The following LEPROTL1 variants were observed in gnomAD, a reference collection of about 807,000 sequenced individuals.
LEPROTL1 encodes the protein leptin receptor overlapping transcript like 1.
LEPROTL1 carries 6 observed loss-of-function variants against 15.4 expected under a neutral mutation model. The observed-to-expected ratio is 0.39, with a 90% CI of 0.21 to 0.77. The LOEUF (loss-of-function observed/expected upper bound fraction) is 0.77, where lower values mean the gene tolerates loss of function less well. Among genes scored for constraint, LEPROTL1 ranks in the 30% least tolerant of loss-of-function variants. The pLI, the probability that LEPROTL1 is intolerant of heterozygous loss-of-function variation, is 0.41. For synonymous variants in LEPROTL1, 56 were observed against 52.6 expected (o/e 1.06, Z -0.28); for missense variants, 128 against 158.1 (o/e 0.81, Z 1.02).
At chr8:30,121,042 GTACCTCC>G (rs1216219745) in intron 3 of LEPROTL1, among the ~76,000 whole-genome samples, 1 of 151,990 alleles carries the variant, frequency 6.6e-6, no homozygotes, top group Non-Finnish European at 1.5e-5. Flanking sequence ...ACTCCTCTAG[GTACCTCC>G]TATGGAATCA....
downstream of LEPROTL1, among the ~76,000 whole-genome samples, chr8:30,109,016 A>G (rs991798682): frequency 7.6e-6 from 1 of 131,660 alleles, no homozygotes; most frequent in Non-Finnish European, 1.6e-5. Context: ...CACCACCACA[A>G]CCCCCCTCAA....
chr8:30,097,692 T>A (rs139021137), intron 1 of LEPROTL1, among the ~76,000 whole-genome samples: 1,813 of 116,826 alleles, frequency 0.016, 58 homozygotes, highest in African/African-American at 0.045. Context: ...AAAATATATA[T>A]ATATATACAC....
At chr8:30,116,960 C>G (rs1472607013) in intron 3 of LEPROTL1, among the ~76,000 whole-genome samples, 3 of 152,088 alleles carry the variant, frequency 2.0e-5, no homozygotes, top group African/African-American at 7.2e-5. Flanking sequence ...AATTATAGGA[C>G]ACCCAGCTAG....
At chr8:30,125,412 G>C (rs1464323051) in intron 3 of LEPROTL1, among the ~76,000 whole-genome samples, 1 of 152,104 alleles carries the variant, frequency 6.6e-6, no homozygotes, top group African/African-American at 2.4e-5. Context: ...ATATCACTTT[G>C]TTCTTTTTAT....
At position 30,107,272 on chromosome 8, in the gene LEPROTL1, T is replaced by C; in HGVS notation, c.*1410T>C. ...AAAAATTCCCAGTAACCAGGCATGA[T>C]CAATTTATAGTGGTCGTTTACATCT... On this transcript the variant is annotated 3_prime_UTR_variant, in exon 4 of 4. Transcript: ENST00000321250. 1 of 985,568 alleles carries C rather than the reference T, an allele frequency of 1.0e-6. No homozygotes were observed. Among genetic ancestry groups the C allele is most frequent in the Non-Finnish European group, 1.2e-6 (1 of 829,890 alleles). 61.1% of individuals were successfully genotyped at this position (985,568 alleles called of 1,614,324 possible).
chr8:30,097,102 G>A (rs1357252455), intron 1 of LEPROTL1, among the ~76,000 whole-genome samples: 1 of 152,174 alleles, frequency 6.6e-6, no homozygotes, highest in African/African-American at 2.4e-5. Context: ...TTTGGGAGTA[G>A]AACCCAGACT....
At chr8:30,133,802 A>AG (rs959409737) in intron 4 of LEPROTL1, among the ~76,000 whole-genome samples, 19 of 151,700 alleles carry the variant, frequency 1.3e-4, no homozygotes, top group East Asian at 1.9e-4. Flanking sequence ...AAAAAAAAAA[A>AG]AAAGAAAGAG....
At position 30,117,351 on chromosome 8, in the gene LEPROTL1, ATTT is replaced by A. The variant is rs1802757603; in HGVS notation, c.279+12867_279+12869del. 5 of 957,774 alleles carry A rather than the reference ATTT, an allele frequency of 5.2e-6. No homozygotes were observed. The African/African-American group carries it at 8.3e-5, about 16-fold the overall frequency. The allele number at this position is 957,774 out of a possible 1,614,324, so 59.3% of individuals were successfully genotyped here. ...TTTTTTTTTTAATTGTCTGTGAGGC[ATTT>A]TGTTTGTAAATATATGCTGCATTAC... On this transcript the variant is annotated intron_variant, in intron 3 of 4. Transcript: ENST00000442880.
intron 3 of LEPROTL1, among the ~76,000 whole-genome samples, chr8:30,131,550 G>T (rs2117530386): frequency 6.6e-6 from 1 of 152,206 alleles, no homozygotes; most frequent in African/African-American, 2.4e-5. Context: ...GTTAGGTTTT[G>T]TTTTGGTTTT....
chr8:30,122,558 AGGC>A (rs1384541447), intron 3 of LEPROTL1, among the ~76,000 whole-genome samples: 2 of 152,196 alleles, frequency 1.3e-5, no homozygotes, highest in Non-Finnish European at 2.9e-5. Flanking sequence ...TGGGAGGCCA[AGGC>A]AGGTGGATCA....
chr8:30,115,853 TA>T (rs1421714939), intron 3 of LEPROTL1, among the ~76,000 whole-genome samples: 6 of 152,178 alleles, frequency 3.9e-5, no homozygotes, highest in Non-Finnish European at 8.8e-5. Flanking sequence ...TAAGAAATTA[TA>T]ATACCCAGGT....
rs554205779 is a variant in LEPROTL1 at position 30,097,532 on chromosome 8, G to A, written c.16+2004G>A. ...CTAAAAATACAAAAAAATTAGCTGGGCATGGTGGCAGGCACCTGTAATCCC... is the reference window on the plus strand; with the variant it reads ...CTAAAAATACAAAAAAATTAGCTGGACATGGTGGCAGGCACCTGTAATCCC... On this transcript the variant is annotated intron_variant, in intron 1 of 3. Coordinates refer to ENST00000321250, the MANE Select transcript of LEPROTL1 (RefSeq NM_015344.3). 2.2e-4 allele frequency among the ~76,000 whole-genome samples: 34 copies of A among 151,798 alleles called. 1 individual carries two copies. In the South Asian group the frequency reaches 3.5e-3, roughly 16 times the overall value.
At chr8:30,101,250 C>A (rs1186577421) in intron 1 of LEPROTL1, among the ~76,000 whole-genome samples, 1 of 152,138 alleles carries the variant, frequency 6.6e-6, no homozygotes, top group Non-Finnish European at 1.5e-5. Flanking sequence ...CTGTAGTGAT[C>A]TGTGAAGTAA....
downstream of LEPROTL1, among the ~76,000 whole-genome samples, chr8:30,112,490 C>G (rs956611564): frequency 4.3e-5 from 6 of 138,760 alleles, no homozygotes; most frequent in Admixed American, 8.0e-5. Flanking sequence ...AAACTCCTGA[C>G]CTCAGGTGAT....
At chr8:30,132,731 C>G (rs1287730273) in intron 4 of LEPROTL1, 1 of 1,551,544 alleles carries the variant, frequency 6.4e-7, no homozygotes, top group African/African-American at 1.4e-5. Context: ...CCCAGGAGAG[C>G]AGGGAAAAAG....
At chr8:30,099,594 CCA>C (rs1563212703) in intron 1 of LEPROTL1, among the ~76,000 whole-genome samples, 15 of 74,356 alleles carry the variant, frequency 2.0e-4, no homozygotes, top group Middle Eastern at 0.01. Flanking sequence ...GCGCAAGACT[CCA>C]TTTAAAAAAA....
At chr8:30,132,673 G>T in intron 4 of LEPROTL1, 1 of 1,551,702 alleles carries the variant, frequency 6.4e-7, no homozygotes, top group South Asian at 1.2e-5. Flanking sequence ...CAAAGCACTG[G>T]ACCCTTGAAC....
intron 3 of LEPROTL1, among the ~76,000 whole-genome samples, chr8:30,130,009 A>C (rs1293262142): frequency 4.6e-5 from 7 of 152,172 alleles, no homozygotes; most frequent in Admixed American, 4.6e-4. Flanking sequence ...AGCAAGGGGG[A>C]AATCCACCCC....
intron 3 of LEPROTL1, among the ~76,000 whole-genome samples, chr8:30,119,341 T>C (rs1021158833): frequency 1.3e-5 from 2 of 152,198 alleles, no homozygotes; most frequent in Admixed American, 1.3e-4. Context: ...GTCTTCCCTT[T>C]CTACGTAGAC....
Sources: gnomAD v4.1 joint callset for allele counts (sites outside exome capture counted in the v4.1 genomes callset) on GRCh38, gnomAD v4.1.1 for gene constraint, MANE v1.5 for transcripts, NCBI Gene and HGNC (gene_info 2026-07-23, HGNC 2026-07-21) for gene names.